PTPRG: variants seen among roughly 807,000 people sequenced by gnomAD.
PTPRG encodes the protein receptor-type tyrosine-protein phosphatase gamma.
Under a neutral mutation model 165.3 loss-of-function variants are expected in PTPRG, and 102 were observed. The observed-to-expected ratio is 0.62, with a 90% CI of 0.53 to 0.73. The LOEUF (loss-of-function observed/expected upper bound fraction) is 0.73. Among genes scored for constraint, PTPRG ranks in the 30% least tolerant of loss-of-function variants. The pLI is 0.00. For missense variants in PTPRG, 1,866 were observed against 1,861.4 expected, an observed-to-expected ratio of 1.00 and a Z score of -0.05; for synonymous variants, 675 against 669.5, an observed-to-expected ratio of 1.01 and a Z score of -0.13.
chr3:61,743,063 C>G, intron 1 of PTPRG: 5 of 1,591,958 alleles, frequency 3.1e-6, no homozygotes, highest in Middle Eastern at 1.7e-4. Context: ...TGCAGGACTT[C>G]CCGCACCGCC....
chr3:61,671,890 G>C (rs538202065), intron 1 of PTPRG, among the ~76,000 whole-genome samples: 116 of 144,908 alleles, frequency 8.0e-4, no homozygotes, highest in Middle Eastern at 3.7e-3. Context: ...CTGGATGGGC[G>C]GGGGGGGCTG....
intron 1 of PTPRG, among the ~76,000 whole-genome samples, chr3:61,696,376 C>A (rs1389917362): frequency 6.6e-6 from 1 of 152,096 alleles, no homozygotes; most frequent in East Asian, 1.9e-4. Context: ...GTGGCAGGCG[C>A]CTGTAATCCC....
chr3:62,016,346 T>G (rs9860429), intron 4 of PTPRG, among the ~76,000 whole-genome samples: 51,759 of 151,804 alleles, frequency 0.34, 8,894 homozygotes, highest in African/African-American at 0.38. Flanking sequence ...TTTTGTATTT[T>G]TAGTAGAGAC....
chr3:62,193,046 G>A (rs539525886), intron 9 of PTPRG, among the ~76,000 whole-genome samples: 3 of 152,180 alleles, frequency 2.0e-5, no homozygotes, highest in Non-Finnish European at 2.9e-5. Flanking sequence ...GATGAGCTTC[G>A]TGAAATCAAA....
intron 14 of PTPRG, among the ~76,000 whole-genome samples, chr3:62,234,369 C>T (rs950293699): frequency 3.9e-5 from 6 of 152,084 alleles, no homozygotes; most frequent in African/African-American, 1.4e-4. Context: ...TTGGCTGTAT[C>T]ACAAGGTACA....
intron 1 of PTPRG, among the ~76,000 whole-genome samples, chr3:61,640,845 C>A (rs1702040371): frequency 6.6e-6 from 1 of 152,234 alleles, no homozygotes; most frequent in Admixed American, 6.5e-5. Flanking sequence ...ATCTGGAGTA[C>A]AGGGCCACAG....
chr3:62,124,589 A>T, intron 5 of PTPRG: 1 of 1,250,338 alleles, frequency 8.0e-7, no homozygotes, highest in Admixed American at 1.7e-5. Flanking sequence ...AATGGACCTC[A>T]CGGGACTGAA....
chr3:62,176,913 C>G (rs1559606803), intron 8 of PTPRG, among the ~76,000 whole-genome samples: 2 of 152,094 alleles, frequency 1.3e-5, no homozygotes, highest in Non-Finnish European at 2.9e-5. Context: ...GAACGATTCA[C>G]TCCTTTGTGA....
At chr3:61,626,149 T>C (rs1039575621) in intron 1 of PTPRG, among the ~76,000 whole-genome samples, 1 of 152,030 alleles carries the variant, frequency 6.6e-6, no homozygotes, top group Non-Finnish European at 1.5e-5. Context: ...TAAGGTAAAA[T>C]TGATGGCATC....
chr3:61,576,261 C>T (rs1700170864), intron 1 of PTPRG, among the ~76,000 whole-genome samples: 1 of 152,096 alleles, frequency 6.6e-6, no homozygotes, highest in Admixed American at 6.5e-5. Context: ...CCTATATCTC[C>T]CACCTTGAAG....
chr3:61,669,471 A>G (rs756818528), intron 1 of PTPRG, among the ~76,000 whole-genome samples: 1 of 152,200 alleles, frequency 6.6e-6, no homozygotes, highest in Non-Finnish European at 1.5e-5. Flanking sequence ...AGGGGCATCC[A>G]TTCCCATCCC....
At chr3:61,988,285 A>T (rs1434213129) in intron 2 of PTPRG, among the ~76,000 whole-genome samples, 1 of 152,158 alleles carries the variant, frequency 6.6e-6, no homozygotes, top group African/African-American at 2.4e-5. Context: ...GCAGCCATGA[A>T]ACCTCCCTTA....
At chr3:61,662,634 T>C (rs1311243205) in intron 1 of PTPRG, among the ~76,000 whole-genome samples, 1 of 152,048 alleles carries the variant, frequency 6.6e-6, no homozygotes, top group East Asian at 1.9e-4. Context: ...ATGGTGGGGG[T>C]CAGATACACA....
intron 15 of PTPRG, among the ~76,000 whole-genome samples, chr3:62,248,702 T>A (rs1200163442): frequency 1.3e-5 from 2 of 152,234 alleles, no homozygotes; most frequent in East Asian, 3.8e-4. Flanking sequence ...TAGAGCATAT[T>A]GAAAGAGCTT....
At chr3:61,881,579 G>T (rs929862331) in intron 2 of PTPRG, among the ~76,000 whole-genome samples, 5 of 152,150 alleles carry the variant, frequency 3.3e-5, no homozygotes, top group African/African-American at 4.8e-5. Flanking sequence ...AGCCATTTGG[G>T]TTTTCCATGA....
chr3:62,293,139 C>T, intron 29 of PTPRG, 22 bp from the exon 30 acceptor site: 1 of 1,535,528 alleles, frequency 6.5e-7, no homozygotes, highest in Non-Finnish European at 8.7e-7. Context: ...TTGGCTCAAA[C>T]TGTCTTCCTC....
intron 5 of PTPRG, among the ~76,000 whole-genome samples, chr3:62,096,066 A>G (rs890045400): frequency 2.6e-5 from 4 of 152,164 alleles, no homozygotes; most frequent in African/African-American, 7.2e-5. Context: ...AAGGAGCACT[A>G]CCGAGAGAGT....
chr3:61,649,703 T>C (rs890660932), intron 1 of PTPRG, among the ~76,000 whole-genome samples: 1 of 152,232 alleles, frequency 6.6e-6, no homozygotes, highest in African/African-American at 2.4e-5. Flanking sequence ...CTTGGATTTA[T>C]TGTGTTGAGT....
chr3:61,587,629 CAAT>C lies in PTPRG; in HGVS notation c.85+25260_85+25262del, dbSNP rs1361721292. ...CTAATGTCTTTTATTTAATAGGAAA[CAAT>C]AAAGTTTTTCATTTTATCTTATTTT... On this transcript the variant is annotated intron_variant, in intron 1 of 29. Coordinates refer to ENST00000474889, the MANE Select transcript of PTPRG (RefSeq NM_002841.4). 3.3e-5 allele frequency among the ~76,000 whole-genome samples: 5 copies of C among 152,172 alleles called. No homozygotes were observed. In the South Asian group the frequency reaches 6.2e-4, roughly 19 times the overall value.
Sources: gnomAD v4.1 joint callset for allele counts (sites outside exome capture counted in the v4.1 genomes callset) on GRCh38, gnomAD v4.1.1 for gene constraint, MANE v1.5 for transcripts, NCBI Gene and HGNC (gene_info 2026-07-23, HGNC 2026-07-21) for gene names.